CHD1: variants seen among roughly 807,000 people sequenced by gnomAD.
CHD1 encodes the protein ATP-dependent chromatin remodeler CHD1.
In CHD1, 36 loss-of-function variants were observed where a neutral mutation model predicts 224.2. That is an observed-to-expected ratio of 0.16 (90% CI 0.12 to 0.21). The LOEUF is 0.21. Ranked by LOEUF, CHD1 falls within the 10% of genes least tolerant of loss-of-function variation. The probability of loss-of-function intolerance (pLI) is 1.00; values close to 1 mark genes in which losing one functional copy is unlikely to be tolerated. For missense variants in CHD1, 1,378 were observed against 1,994.8 expected (o/e 0.69, Z 5.89); for synonymous variants, 668 against 658.3 (o/e 1.01, Z -0.23).
At chr5:98,927,827 T>G (rs368340463) in intron 1 of CHD1, among the ~76,000 whole-genome samples, 1 of 152,136 alleles carries the variant, frequency 6.6e-6, no homozygotes, top group African/African-American at 2.4e-5. Context: ...TCCATCTCCC[T>G]TATCCGAATA....
intron 30 of CHD1, chr5:98,869,363 A>G (rs915698799): frequency 1.6e-6 from 1 of 634,314 alleles, no homozygotes; most frequent in South Asian, 6.7e-5. Flanking sequence ...GATTGCATGT[A>G]TGTGGATTCT....
At chr5:98,879,448 A>T in intron 23 of CHD1, 104 bp downstream of exon 23, 2 of 957,010 alleles carry the variant, frequency 2.1e-6, no homozygotes, top group Non-Finnish European at 3.0e-6. Context: ...CAAGGCCATT[A>T]CAAGAAAAGA....
In CHD1 at chr5:98,920,111, A is replaced by G. The variant is rs530977971; in HGVS notation, c.53+6223T>C. Among the ~76,000 whole-genome samples, 8 of 152,236 alleles carry G rather than the reference A, an allele frequency of 5.3e-5. No individual in the cohort carries two copies. The East Asian group carries it at 1.5e-3, about 29-fold the overall frequency. ...ATTATACATAAATATATACAAATAT[A>G]TATTTTATAGAGTTGTAATCCACTA... On this transcript the variant is annotated intron_variant, in intron 2 of 35. Transcript: ENST00000614616.
chr5:98,854,485 T>C lies in CHD1; in HGVS notation c.*1895A>G, dbSNP rs912565495. ...TCATACTAAATGTAGAGAAAAGTGATAAAAGTTTCAAAAATGTGTGCCAGG... is the reference window on the plus strand; with the variant it reads ...TCATACTAAATGTAGAGAAAAGTGACAAAAGTTTCAAAAATGTGTGCCAGG... On this transcript the variant is annotated 3_prime_UTR_variant, in exon 36 of 36. Coordinates refer to ENST00000614616, the MANE Select transcript of CHD1 (RefSeq NM_001270.4). The C allele has an allele frequency of 1.3e-5, 2 of 152,112 alleles. No individual in the cohort carries two copies. The highest frequency in any genetic ancestry group is 2.9e-5 in the Non-Finnish European group (2 of 67,954). The allele number at this position is 152,112 out of a possible 1,614,324, so 9.4% of individuals were successfully genotyped here.
intron 9 of CHD1, 113 bp downstream of exon 9, chr5:98,898,551 T>G: frequency 8.2e-7 from 1 of 1,216,494 alleles, no homozygotes; most frequent in East Asian, 2.4e-5. Context: ...TTTACAATAC[T>G]GTTTTAGTAA....
rs776232640 is a variant in CHD1, at chr5:98,904,972, A to C, written c.180T>G (p.Ser60Arg). The change falls in exon 3 of 36, where the codon AGT becomes AGG. Residue 60 changes from serine to arginine, a missense_variant. This residue lies in a region of CHD1 where 306 missense variants were observed against 298.1 expected (regional missense o/e 1.03). Coordinates refer to ENST00000614616, the MANE Select transcript of CHD1 (RefSeq NM_001270.4). ...SDSDSGSESGSQSESESDTSR... is the reference protein window; with the variant it reads ...SDSDSGSESGRQSESESDTSR... Reference sequence around the variant, plus strand: ...AAGTGTCTGACTCAGACTCTGACTGACTGCCTGATTCAGATCCGGAGTCAG... The same window carrying C: ...AAGTGTCTGACTCAGACTCTGACTGCCTGCCTGATTCAGATCCGGAGTCAG... 5.6e-6 allele frequency: 9 copies of C among 1,606,826 alleles called. No individual in the cohort carries two copies. Among genetic ancestry groups the C allele is most frequent in the Admixed American group, 1.7e-5 (1 of 60,010 alleles).
chr5:98,883,008 G>A, intron 19 of CHD1, 80 bp downstream of exon 19: 1 of 922,016 alleles, frequency 1.1e-6, no homozygotes, highest in Non-Finnish European at 1.5e-6. Flanking sequence ...TTATCCTCTA[G>A]AGGATAAACT....
intron 24 of CHD1, 129 bp from the exon 25 acceptor site, chr5:98,875,242 A>G: frequency 1.8e-6 from 1 of 556,848 alleles, no homozygotes; most frequent in Non-Finnish European, 3.2e-6. Flanking sequence ...ATCTAAGAAG[A>G]ATGAATAAAC....
In CHD1 at chr5:98,869,809, A is replaced by G; in HGVS notation, c.4052T>C (p.Ile1351Thr). 1 of 1,611,944 alleles carries G rather than the reference A, an allele frequency of 6.2e-7. No homozygotes were observed. The highest frequency in any genetic ancestry group is 8.5e-7 in the Non-Finnish European group (1 of 1,178,244). The part of the protein sequence containing the change: ...AMKSIKVKEE[I>T]KSDSSPLPSE... ...AGGCAGAGGAGAAGAATCACTCTTT[A>G]TTTCCTCTTTCACTTTTATAGACTT... is the stretch of plus-strand genomic sequence containing the variant. Residue 1351 changes from isoleucine to threonine, a missense_variant, in exon 30 of 36, where the codon ATA (isoleucine) becomes ACA (threonine). This residue lies in a region of CHD1 where 105 missense variants were observed against 93.4 expected (regional missense o/e 1.12). Coordinates refer to ENST00000614616, the MANE Select transcript of CHD1 (RefSeq NM_001270.4).
chr5:98,895,622 A>G (rs1264133229), intron 12 of CHD1, among the ~76,000 whole-genome samples: 5 of 151,792 alleles, frequency 3.3e-5, no homozygotes, highest in African/African-American at 1.2e-4. Context: ...GCCTGGTGGC[A>G]GGCGCTTGTA....
At chr5:98,900,499 G>A (rs971273637) in intron 7 of CHD1, among the ~76,000 whole-genome samples, 18 of 146,288 alleles carry the variant, frequency 1.2e-4, no homozygotes, top group East Asian at 6.1e-4. Flanking sequence ...GAGTGCAGTC[G>A]TGCAATCTCA....
At chr5:98,875,921 T>C (rs921181925) in intron 24 of CHD1, among the ~76,000 whole-genome samples, 1 of 152,102 alleles carries the variant, frequency 6.6e-6, no homozygotes, top group Non-Finnish European at 1.5e-5. Context: ...AATAAATATA[T>C]CCTGCCTGGC....
chr5:98,909,686 G>A (rs560340828), intron 2 of CHD1, among the ~76,000 whole-genome samples: 1 of 152,214 alleles, frequency 6.6e-6, no homozygotes, highest in African/African-American at 2.4e-5. Flanking sequence ...AAGAAAAGGG[G>A]TTTTATTTCT....
intron 14 of CHD1, among the ~76,000 whole-genome samples, chr5:98,893,142 G>A (rs1751126224): frequency 6.6e-6 from 1 of 152,110 alleles, no homozygotes. Flanking sequence ...ACAAAGAATG[G>A]TACTGTGTTA....
Position 98,889,168 on chromosome 5 carries a change from T to G in CHD1, c.2251A>C (p.Ile751Leu). The G allele has an allele frequency of 6.2e-7, 1 of 1,610,118 alleles. No individual in the cohort carries two copies. Among genetic ancestry groups the G allele is most frequent in the Non-Finnish European group, 8.5e-7 (1 of 1,176,794 alleles). ...CAACATTTCTTTAGCTCCATCATAA[T>G]GTTCAAAAAGCCTGAGGTACTGCCC... is the stretch of plus-strand genomic sequence containing the variant. ...SKGSTSGFLN[I>L]MMELKKCCNH... The change falls in exon 16 of 36, where the codon ATT (isoleucine) becomes CTT (leucine). Residue 751 changes from isoleucine to leucine, a missense_variant. By Grantham distance (5) the Ile-to-Leu change is conservative. Coordinates refer to ENST00000614616, the MANE Select transcript of CHD1 (RefSeq NM_001270.4).
At chr5:98,924,555 T>C (rs1051161533) in intron 2 of CHD1, among the ~76,000 whole-genome samples, 2 of 152,250 alleles carry the variant, frequency 1.3e-5, no homozygotes, top group African/African-American at 4.8e-5. Context: ...CCTAGACCAA[T>C]ACTTGTTCAA....
chr5:98,901,044 T>C lies in CHD1; in HGVS notation c.626A>G (p.Lys209Arg). 6.2e-7 allele frequency: 1 copy of C among 1,606,160 alleles called. No individual in the cohort carries two copies. Among genetic ancestry groups the C allele is most frequent in the Non-Finnish European group, 8.5e-7 (1 of 1,177,690 alleles). Residue 209 changes from lysine (K) to arginine (R), a missense_variant, in exon 7 of 36, where the codon AAA (lysine) becomes AGA (arginine). Around this residue, in one of 16 missense-constraint regions of CHD1, gnomAD observed 306 missense variants for 298.1 expected, o/e 1.03. Transcript: ENST00000614616. Reference sequence around the variant, plus strand: ...CTCAGATGAATCAATCTGTCTCTTTTTTTGTCCAAGAATCTTCTTTCCATT... The same window carrying C: ...CTCAGATGAATCAATCTGTCTCTTTCTTTGTCCAAGAATCTTCTTTCCATT... Reference protein sequence around the residue: ...SKNGKKILGQKKRQIDSSEED... With the variant: ...SKNGKKILGQRKRQIDSSEED...
intron 1 of CHD1, among the ~76,000 whole-genome samples, chr5:98,928,228 G>A (rs1356297367): frequency 6.6e-6 from 1 of 151,904 alleles, no homozygotes; most frequent in Admixed American, 6.6e-5. Context: ...GGTCGCGGCA[G>A]GACCCACGCA....
rs776218690 is a variant in CHD1 at position 98,858,217 on chromosome 5, C to G, written c.4750G>C (p.Asp1584His). Reference protein sequence around the residue: ...RPYSSFSNGKDHRDWDHYKQD... With the variant: ...RPYSSFSNGKHHRDWDHYKQD... Reference sequence around the variant, plus strand: ...TTGTAGTGATCCCAATCACGATGGTCTTTACCATTACTAAAAGAAGAATAG... The same window carrying G: ...TTGTAGTGATCCCAATCACGATGGTGTTTACCATTACTAAAAGAAGAATAG... Residue 1584 changes from aspartate to histidine, a missense_variant, in exon 35 of 36, where the codon GAC becomes CAC. Coordinates refer to ENST00000614616, the MANE Select transcript of CHD1 (RefSeq NM_001270.4). 6.2e-7 allele frequency: 1 copy of G among 1,613,136 alleles called. No homozygotes were observed. The highest frequency in any genetic ancestry group is 8.5e-7 in the Non-Finnish European group (1 of 1,179,296).
Sources: allele counts gnomAD v4.1 joint callset (sites outside exome capture counted in the v4.1 genomes callset), GRCh38; gene constraint gnomAD v4.1.1; regional missense constraint gnomAD v4.1.1; transcripts MANE v1.5; gene names NCBI Gene and HGNC (gene_info 2026-07-23, HGNC 2026-07-21).